The following CATSPERT variants were observed in gnomAD, a reference collection of about 807,000 sequenced individuals.
The protein encoded by CATSPERT is cation channel sperm-associated targeting subunit tau.
At chr2:201,605,753 A>G in the CATSPERT span, among the ~76,000 whole-genome samples, 2 of 152,238 alleles carry the variant, frequency 1.3e-5, no homozygotes, top group Non-Finnish European at 2.9e-5. Flanking sequence ...AAGATTTCAA[A>G]CTGAATTAAG....
chr2:201,588,085 C>A, the CATSPERT span, among the ~76,000 whole-genome samples: 7 of 152,118 alleles, frequency 4.6e-5, no homozygotes, highest in Non-Finnish European at 1.0e-4. Context: ...GAGCTAGTAC[C>A]ATTCCTACTG....
the CATSPERT span, among the ~76,000 whole-genome samples, chr2:201,513,184 C>T: frequency 4.0e-5 from 6 of 151,826 alleles, no homozygotes; most frequent in African/African-American, 7.2e-5. Context: ...TCACAAACTA[C>T]GAGTCTGACA....
At chr2:201,559,314 C>T in the CATSPERT span, among the ~76,000 whole-genome samples, 3 of 152,250 alleles carry the variant, frequency 2.0e-5, no homozygotes, top group Admixed American at 6.5e-5. Flanking sequence ...TGCCCCTGAG[C>T]AGCTTTGCAC....
the CATSPERT span, chr2:201,494,253 A>C: frequency 6.5e-7 from 1 of 1,536,996 alleles, no homozygotes; most frequent in Non-Finnish European, 8.7e-7. Flanking sequence ...TGTTCATACT[A>C]ACTTCTGGTT....
At chr2:201,606,204 T>C in the CATSPERT span, among the ~76,000 whole-genome samples, 1 of 152,244 alleles carries the variant, frequency 6.6e-6, no homozygotes, top group African/African-American at 2.4e-5. Context: ...ACTCACCATG[T>C]GTCTAGAAAA....
At chr2:201,532,883 C>G in the CATSPERT span, among the ~76,000 whole-genome samples, 2 of 152,102 alleles carry the variant, frequency 1.3e-5, no homozygotes, top group Non-Finnish European at 2.9e-5. Flanking sequence ...GAATGTGGTT[C>G]AGGGTCAAGA....
the CATSPERT span, among the ~76,000 whole-genome samples, chr2:201,516,234 C>T: frequency 2.6e-5 from 4 of 152,084 alleles, no homozygotes; most frequent in East Asian, 3.9e-4. Flanking sequence ...ATGGTACTGC[C>T]GTCACATATT....
chr2:201,493,792 G>A, the CATSPERT span: 1 of 1,536,426 alleles, frequency 6.5e-7, no homozygotes, highest in Non-Finnish European at 8.7e-7. Context: ...TTTGGAGTTA[G>A]GTACTTCGCT....
At chr2:201,503,457 C>A in the CATSPERT span, among the ~76,000 whole-genome samples, 1 of 152,092 alleles carries the variant, frequency 6.6e-6, no homozygotes, top group South Asian at 2.1e-4. Context: ...AGTGCAGTTG[C>A]AAAATCAGCT....
At chr2:201,538,958 G>A in the CATSPERT span, among the ~76,000 whole-genome samples, 1 of 152,046 alleles carries the variant, frequency 6.6e-6, no homozygotes, top group Non-Finnish European at 1.5e-5. Context: ...AAGGATAATG[G>A]TCTCCAGCTC....
the CATSPERT span, among the ~76,000 whole-genome samples, chr2:201,516,092 C>T: frequency 6.6e-6 from 1 of 152,148 alleles, no homozygotes; most frequent in African/African-American, 2.4e-5. Context: ...TAGGATCTAG[C>T]CTATTGCTAC....
the CATSPERT span, among the ~76,000 whole-genome samples, chr2:201,505,264 G>A: frequency 2.0e-5 from 3 of 152,132 alleles, no homozygotes; most frequent in Non-Finnish European, 2.9e-5. Flanking sequence ...TGTATTTTTA[G>A]TAGAGGAGGT....
the CATSPERT span, among the ~76,000 whole-genome samples, chr2:201,605,949 T>C: frequency 6.6e-6 from 1 of 152,062 alleles, no homozygotes; most frequent in Non-Finnish European, 1.5e-5. Context: ...AATTATAAAG[T>C]GCCCAAAGGT....
the CATSPERT span, among the ~76,000 whole-genome samples, chr2:201,573,362 T>C: frequency 6.6e-6 from 1 of 152,224 alleles, no homozygotes; most frequent in Non-Finnish European, 1.5e-5. Context: ...TAGCACCAGA[T>C]GTTGAAATAA....
the CATSPERT span, among the ~76,000 whole-genome samples, chr2:201,587,605 A>T: frequency 6.6e-6 from 1 of 152,062 alleles, no homozygotes; most frequent in Non-Finnish European, 1.5e-5. Flanking sequence ...GGCTGCCTTT[A>T]AGATTTTCTC....
At chr2:201,487,610 T>C in the CATSPERT span, 1 of 1,609,000 alleles carries the variant, frequency 6.2e-7, no homozygotes, top group South Asian at 1.1e-5. Context: ...AGCGAACATT[T>C]TTCAATATCC....
the CATSPERT span, among the ~76,000 whole-genome samples, chr2:201,505,187 C>T: frequency 5.9e-4 from 90 of 152,260 alleles, no homozygotes; most frequent in Non-Finnish European, 1.1e-3. Flanking sequence ...GCAACCTCCA[C>T]CCCCTGGGTT....
chr2:201,496,535 G>T, the CATSPERT span, among the ~76,000 whole-genome samples: 1 of 152,230 alleles, frequency 6.6e-6, no homozygotes, highest in East Asian at 1.9e-4. Context: ...TAGAGACGGG[G>T]TTTTGCCATG....
At chr2:201,537,388 C>T in the CATSPERT span, 1 of 1,380,474 alleles carries the variant, frequency 7.2e-7, no homozygotes, top group African/African-American at 1.5e-5. Flanking sequence ...ATATTTTATC[C>T]CTTTATAAAA....
Sources: allele counts gnomAD v4.1 joint callset (sites outside exome capture counted in the v4.1 genomes callset), GRCh38; gene constraint gnomAD v4.1.1; transcripts MANE v1.5; gene names NCBI Gene and HGNC (gene_info 2026-07-23, HGNC 2026-07-21).